Variants in PRKCE observed in about 807,000 individuals in gnomAD.
PRKCE encodes the protein protein kinase C epsilon type.
In PRKCE, 16 loss-of-function variants were observed where a neutral mutation model predicts 85.4. That is an observed-to-expected ratio of 0.19 (90% CI 0.13 to 0.28). PRKCE has a LOEUF of 0.28. Among genes scored for constraint, PRKCE ranks in the 10% least tolerant of loss-of-function variants. PRKCE has a pLI of 1.00. For missense variants in PRKCE, 573 were observed against 975.2 expected (o/e 0.59, Z 5.49); for synonymous variants, 388 against 371.5 (o/e 1.04, Z -0.51).
chr2:45,973,216 G>T (rs538128289), intron 2 of PRKCE, among the ~76,000 whole-genome samples: 1 of 152,280 alleles, frequency 6.6e-6, no homozygotes, highest in Admixed American at 6.5e-5. Context: ...GGGGACTGAG[G>T]GACCTAGTAG....
intron 13 of PRKCE, among the ~76,000 whole-genome samples, chr2:46,156,601 A>G (rs1377244421): frequency 6.6e-6 from 1 of 152,214 alleles, no homozygotes; most frequent in African/African-American, 2.4e-5. Flanking sequence ...TCTGCATCCA[A>G]AAATGGCTCC....
Position 46,006,132 on chromosome 2 carries a change from T to C in PRKCE, c.1064-1330T>C, listed in dbSNP as rs201997053. Among the ~76,000 whole-genome samples, 18 of 152,330 alleles carry C rather than the reference T, an allele frequency of 1.2e-4. No homozygotes were observed. In the East Asian group the frequency reaches 3.3e-3, roughly 28 times the overall value. On this transcript the variant is annotated intron_variant, in intron 8 of 14. Coordinates refer to ENST00000306156, the MANE Select transcript of PRKCE (RefSeq NM_005400.3). ...AGACGCCAGGATTTCCCAGTAGTGA[T>C]GTTAGCACAGATGTCCCTCTGAGCG...
At chr2:46,158,649 T>G (rs978387309) in intron 13 of PRKCE, among the ~76,000 whole-genome samples, 5 of 152,246 alleles carry the variant, frequency 3.3e-5, no homozygotes, top group African/African-American at 4.8e-5. Flanking sequence ...TTCCTTTGGA[T>G]TACAGTTTAT....
chr2:46,170,183 T>G (rs1169522611), intron 14 of PRKCE, among the ~76,000 whole-genome samples: 1 of 152,158 alleles, frequency 6.6e-6, no homozygotes, highest in East Asian at 1.9e-4. Context: ...AACACCTCCA[T>G]CCTCCCAAGA....
At chr2:45,688,276 TA>T (rs1377320145) in intron 1 of PRKCE, among the ~76,000 whole-genome samples, 1 of 152,030 alleles carries the variant, frequency 6.6e-6, no homozygotes, top group African/African-American at 2.4e-5. Context: ...TTTTTAGTAT[TA>T]AAAAAATTAA....
chr2:45,976,356 C>T (rs1702453546), intron 2 of PRKCE, 73 bp from the exon 3 acceptor site: 1 of 1,528,510 alleles, frequency 6.5e-7, no homozygotes, highest in Non-Finnish European at 8.8e-7. Context: ...TGGAGTAGCT[C>T]TCCAGAGGGA....
At chr2:45,838,376 CTGTTTTTTCA>C in intron 1 of PRKCE, among the ~76,000 whole-genome samples, 1 of 152,186 alleles carries the variant, frequency 6.6e-6, no homozygotes, top group Non-Finnish European at 1.5e-5. Context: ...CTCTCTAAGC[CTGTTTTTTCA>C]TCAGAAAAGT....
At chr2:45,671,011 T>C (rs1049012588) in intron 1 of PRKCE, among the ~76,000 whole-genome samples, 1 of 152,172 alleles carries the variant, frequency 6.6e-6, no homozygotes, top group Non-Finnish European at 1.5e-5. Flanking sequence ...GTCAGAGAGC[T>C]TAGTTCATGC....
chr2:45,664,047 G>A (rs895664109), intron 1 of PRKCE, among the ~76,000 whole-genome samples: 14 of 152,202 alleles, frequency 9.2e-5, no homozygotes, highest in African/African-American at 3.1e-4. Flanking sequence ...TTTGCTTGGA[G>A]CAAAGTGTTG....
intron 1 of PRKCE, among the ~76,000 whole-genome samples, chr2:45,732,091 G>A (rs753234971): frequency 6.6e-6 from 1 of 152,092 alleles, no homozygotes; most frequent in Non-Finnish European, 1.5e-5. Context: ...CCTAGAGAAG[G>A]GCCATACCAT....
rs77183539 is a variant in PRKCE at position 46,100,103 on chromosome 2, G to A, written c.1592+13741G>A. On this transcript the variant is annotated intron_variant, in intron 11 of 14. Coordinates refer to ENST00000306156, the MANE Select transcript of PRKCE (RefSeq NM_005400.3). ...TAGCTCTGTGATCCTAAGATTGTTT[G>A]GTCTGGGAATGCCTTGAAGAGCATC... is the stretch of plus-strand genomic sequence containing the variant. 4.6e-5 allele frequency among the ~76,000 whole-genome samples: 7 copies of A among 152,254 alleles called. No individual in the cohort carries two copies. In the East Asian group the frequency reaches 1.4e-3, roughly 29 times the overall value.
At chr2:45,827,753 T>G (rs1281569253) in intron 1 of PRKCE, among the ~76,000 whole-genome samples, 1 of 152,212 alleles carries the variant, frequency 6.6e-6, no homozygotes, top group Non-Finnish European at 1.5e-5. Flanking sequence ...TTCATTGTTT[T>G]GATATAAAAT....
At chr2:45,755,819 G>C (rs1343509209) in intron 1 of PRKCE, among the ~76,000 whole-genome samples, 1 of 152,184 alleles carries the variant, frequency 6.6e-6, no homozygotes, top group African/African-American at 2.4e-5. Context: ...GGCTCAGACA[G>C]GGGCTGTCAA....
chr2:46,039,164 C>A (rs1397071763), intron 10 of PRKCE, among the ~76,000 whole-genome samples: 1 of 152,168 alleles, frequency 6.6e-6, no homozygotes, highest in East Asian at 1.9e-4. Flanking sequence ...AATGAATAGA[C>A]TAATTTTCAG....
intron 1 of PRKCE, among the ~76,000 whole-genome samples, chr2:45,664,031 A>T (rs1675802571): frequency 6.6e-6 from 1 of 152,242 alleles, no homozygotes; most frequent in Admixed American, 6.5e-5. Flanking sequence ...TCTATGTTCT[A>T]GGAACTTTGC....
intron 2 of PRKCE, among the ~76,000 whole-genome samples, chr2:45,948,035 C>T (rs955179482): frequency 2.6e-5 from 4 of 152,182 alleles, no homozygotes; most frequent in Non-Finnish European, 4.4e-5. Flanking sequence ...TGCTCACCTA[C>T]GTGAATGTCT....
chr2:45,743,993 TG>T (rs141293642), intron 1 of PRKCE, among the ~76,000 whole-genome samples: 17,122 of 70,228 alleles, frequency 0.24, 1,064 homozygotes, highest in South Asian at 0.38. Context: ...GGCCGTTGTG[TG>T]TTTTTTTTTT....
intron 1 of PRKCE, among the ~76,000 whole-genome samples, chr2:45,696,030 A>G (rs1024799317): frequency 2.0e-5 from 3 of 151,732 alleles, no homozygotes; most frequent in Non-Finnish European, 4.4e-5. Flanking sequence ...ATGCTGGTGT[A>G]CTGCACCCAT....
intron 2 of PRKCE, among the ~76,000 whole-genome samples, chr2:45,853,627 G>C (rs879195498): frequency 6.6e-6 from 1 of 152,220 alleles, no homozygotes; most frequent in Non-Finnish European, 1.5e-5. Context: ...TGCGTACACA[G>C]TAGGGGCATA....
Sources: gnomAD v4.1 joint callset for allele counts (sites outside exome capture counted in the v4.1 genomes callset) on GRCh38, gnomAD v4.1.1 for gene constraint, MANE v1.5 for transcripts, NCBI Gene and HGNC (gene_info 2026-07-23, HGNC 2026-07-21) for gene names.